SDK1: variants seen among roughly 807,000 people sequenced by gnomAD.
The protein encoded by SDK1 is protein sidekick-1.
In SDK1, 157 loss-of-function variants were observed where a neutral mutation model predicts 245.5. That is an observed-to-expected ratio of 0.64 (90% CI 0.56 to 0.73). The LOEUF is 0.73. SDK1 is among the 30% of genes least tolerant of loss of function. The pLI is 0.00. For synonymous variants in SDK1, 1,647 were observed against 1,278.5 expected (o/e 1.29, Z -6.15); for missense variants, 3,583 against 3,002.3 (o/e 1.19, Z -4.52).
intron 4 of SDK1, among the ~76,000 whole-genome samples, chr7:3,682,490 C>G (rs114995571): frequency 0.14 from 1,153 of 8,122 alleles, 16 homozygotes; most frequent in African/African-American, 0.29. Flanking sequence ...CGGAGGCGCT[C>G]GTATGCACTG....
intron 30 of SDK1, among the ~76,000 whole-genome samples, chr7:4,156,414 A>G (rs4723434): frequency 0.4 from 61,541 of 152,108 alleles, 14,422 homozygotes; most frequent in East Asian, 0.77. Context: ...AAGCATCTCC[A>G]TTAAAGCTGG....
chr7:3,716,512 C>T lies in SDK1; in HGVS notation c.713+74407C>T, dbSNP rs1785205936. The stretch of plus-strand genomic sequence containing the variant: ...TAATATCAGACCTGTAATCCCACCA[C>T]TTTGAGGGACATTGATGAGGGAGGA... On this transcript the variant is annotated intron_variant, in intron 4 of 44. Transcript: ENST00000404826. Among the ~76,000 whole-genome samples the T allele has an allele frequency of 1.3e-5, 2 of 152,222 alleles. 1 individual carries two copies.
At chr7:3,951,373 C>A (rs1367018166) in intron 6 of SDK1, among the ~76,000 whole-genome samples, 1 of 152,196 alleles carries the variant, frequency 6.6e-6, no homozygotes, top group African/African-American at 2.4e-5. Context: ...TCTCTGCCTA[C>A]TTAGCGGTCG....
intron 27 of SDK1, 170 bp downstream of exon 27, chr7:4,130,267 C>T: frequency 1.5e-6 from 1 of 674,410 alleles, no homozygotes; most frequent in Non-Finnish European, 2.4e-6. Context: ...CTTATATGGC[C>T]AATTTCAGCC....
At chr7:3,710,385 T>C (rs1307026277) in intron 4 of SDK1, among the ~76,000 whole-genome samples, 1 of 152,240 alleles carries the variant, frequency 6.6e-6, no homozygotes, top group Non-Finnish European at 1.5e-5. Context: ...CATGTTATTT[T>C]AATGAGACTG....
rs1489975405 is a variant in SDK1, at chr7:4,017,293, A to G, written c.2543A>G (p.Tyr848Cys). ...WTQYEIQVAAYNGAGLGVFSR... is the reference protein window; with the variant it reads ...WTQYEIQVAACNGAGLGVFSR... ...CAGTATGAGATACAGGTGGCGGCGT[A>G]CAACGGGGCCGGTCTGGGCGTCTTC... Residue 848 changes from tyrosine to cysteine, a missense_variant, in exon 17 of 45, where the codon TAC (tyrosine) becomes TGC (cysteine). Physicochemically the swap from Tyr to Cys is radical, Grantham distance 194. Coordinates refer to ENST00000404826, the MANE Select transcript of SDK1 (RefSeq NM_152744.4). 2 of 1,613,922 alleles carry G rather than the reference A, an allele frequency of 1.2e-6. No homozygotes were observed. The highest frequency in any genetic ancestry group is 1.7e-6 in the Non-Finnish European group (2 of 1,179,958).
intron 19 of SDK1, among the ~76,000 whole-genome samples, chr7:4,065,691 G>GTTTTTTCTTT (rs1562755417): frequency 3.4e-5 from 1 of 29,472 alleles, no homozygotes; most frequent in African/African-American, 1.7e-4. Flanking sequence ...ATGAGTGGTT[G>GTTTTTTCTTT]TTGTTTTTTT....
intron 4 of SDK1, among the ~76,000 whole-genome samples, chr7:3,806,675 A>C (rs1178839661): frequency 2.0e-5 from 3 of 152,152 alleles, no homozygotes; most frequent in African/African-American, 7.2e-5. Flanking sequence ...GAACAAATAC[A>C]TCACAACCTA....
intron 10 of SDK1, 85 bp from the exon 11 acceptor site, chr7:3,969,172 T>C: frequency 8.0e-7 from 1 of 1,255,792 alleles, no homozygotes; most frequent in South Asian, 1.9e-5. Context: ...CCGAACCATA[T>C]TACTTGCTTA....
chr7:3,677,558 C>G (rs1313257512), intron 4 of SDK1, among the ~76,000 whole-genome samples: 1 of 152,154 alleles, frequency 6.6e-6, no homozygotes, highest in Non-Finnish European at 1.5e-5. Flanking sequence ...TGGGGGAAAC[C>G]ACCCCCGTGA....
rs547968505 is a variant in SDK1 at position 3,613,224 on chromosome 7, C to T, written c.299-5856C>T. 1.5e-4 allele frequency among the ~76,000 whole-genome samples: 23 copies of T among 152,162 alleles called. 1 individual carries two copies. The highest frequency in any genetic ancestry group is 1.2e-4 in the Non-Finnish European group (8 of 68,002). ...TCTTGATGTTAGGGAAGCCGGGGGA[C>T]GCAGGATGAGGTAGTAGGCTCCAGC... is the stretch of plus-strand genomic sequence containing the variant. On this transcript the variant is annotated intron_variant, in intron 1 of 44. Coordinates refer to ENST00000404826, the MANE Select transcript of SDK1 (RefSeq NM_152744.4).
chr7:3,939,204 G>C (rs1384032827), intron 5 of SDK1, among the ~76,000 whole-genome samples: 1 of 152,236 alleles, frequency 6.6e-6, no homozygotes, highest in Admixed American at 6.5e-5. Context: ...GGTTGGGTTT[G>C]TGAGGGGGCC....
At chr7:4,182,468 C>T (rs1348666507) in intron 35 of SDK1, among the ~76,000 whole-genome samples, 1 of 152,196 alleles carries the variant, frequency 6.6e-6, no homozygotes, top group African/African-American at 2.4e-5. Flanking sequence ...TCCCAAACTT[C>T]CACAGGGCAG....
At chr7:3,534,640 C>T (rs756502850) in intron 1 of SDK1, among the ~76,000 whole-genome samples, 2 of 152,046 alleles carry the variant, frequency 1.3e-5, no homozygotes, top group African/African-American at 4.8e-5. Context: ...TTATTTCTCT[C>T]GGTCTCTGCC....
Position 4,206,649 on chromosome 7 carries a change from T to G in SDK1, c.5214+655T>G, listed in dbSNP as rs142734647. Among the ~76,000 whole-genome samples, 1,510 of 152,030 alleles carry G rather than the reference T, an allele frequency of 9.9e-3. 27 individuals carry two copies. Among genetic ancestry groups the G allele is most frequent in the African/African-American group, 0.035 (1,447 of 41,458 alleles). The stretch of plus-strand genomic sequence containing the variant: ...TCATTATGTGGGGCTGGGTTATCCA[T>G]GGGGCGGGAAGCACCTCTCCACGTC... On this transcript the variant is annotated intron_variant, in intron 36 of 44. Coordinates refer to ENST00000404826, the MANE Select transcript of SDK1 (RefSeq NM_152744.4).
intron 1 of SDK1, among the ~76,000 whole-genome samples, chr7:3,559,699 A>G (rs909750333): frequency 6.6e-6 from 1 of 151,890 alleles, no homozygotes; most frequent in Non-Finnish European, 1.5e-5. Context: ...TAAATCATAA[A>G]TATTTGAACC....
At chr7:3,618,954 T>C (rs1781852316) in intron 1 of SDK1, 126 bp from the exon 2 acceptor site, 1 of 736,908 alleles carries the variant, frequency 1.4e-6, no homozygotes, top group Non-Finnish European at 2.1e-6. Flanking sequence ...ACTTCTTAAT[T>C]GGGCCAAACA....
chr7:3,928,228 C>T (rs1027890206), intron 5 of SDK1, among the ~76,000 whole-genome samples: 20 of 152,150 alleles, frequency 1.3e-4, no homozygotes, highest in African/African-American at 4.3e-4. Context: ...CTGCCAAGCT[C>T]GTTGATTAAA....
At chr7:4,226,423 G>A (rs1785449299) in intron 40 of SDK1, among the ~76,000 whole-genome samples, 1 of 152,240 alleles carries the variant, frequency 6.6e-6, no homozygotes, top group Admixed American at 6.5e-5. Context: ...GGCCTGGGCA[G>A]CCCGGGCAGA....
Sources: allele counts gnomAD v4.1 joint callset (sites outside exome capture counted in the v4.1 genomes callset), GRCh38; gene constraint gnomAD v4.1.1; transcripts MANE v1.5; gene names NCBI Gene and HGNC (gene_info 2026-07-23, HGNC 2026-07-21).